Variants in ZNF514 observed in about 807,000 individuals in gnomAD.
ZNF514 encodes zinc finger protein 514.
In ZNF514, 12 loss-of-function variants were observed where a neutral mutation model predicts 9.7. The observed-to-expected ratio is 1.24, with a 90% CI of 0.79 to 2.01. The LOEUF is 2.01. Among genes scored for constraint, ZNF514 ranks in the 30% most tolerant of loss-of-function variants. ZNF514 has a pLI of 0.00. For missense variants in ZNF514, 467 were observed against 465.5 expected (o/e 1.00, Z -0.03); for synonymous variants, 158 against 163.7 (o/e 0.97, Z 0.27).
the ZNF514 span, among the ~76,000 whole-genome samples, chr2:95,127,589 G>T: frequency 6.6e-6 from 1 of 151,498 alleles, no homozygotes; most frequent in East Asian, 1.9e-4. Context: ...TTGTTTTTTT[G>T]TTTTTGTTTT....
the ZNF514 span, among the ~76,000 whole-genome samples, chr2:95,125,397 T>C: frequency 0.011 from 1,715 of 152,088 alleles, 13 homozygotes; most frequent in Non-Finnish European, 0.017. Flanking sequence ...CCCACCACCA[T>C]GCCCAGCTAA....
At chr2:95,126,392 A>AAAAAAAAAAAAAAAAAAG in the ZNF514 span, among the ~76,000 whole-genome samples, 2 of 84,446 alleles carry the variant, frequency 2.4e-5, no homozygotes, top group African/African-American at 5.6e-5. Flanking sequence ...AAAAAAAAAA[A>AAAAAAAAAAAAAAAAAAG]AAAGAAAGAA....
In ZNF514 at chr2:95,147,670, ACT is replaced by A. The variant is rs1176238570; in HGVS notation, c.*1610_*1611del. The A allele has an allele frequency of 7.1e-6, 1 of 141,582 alleles. No homozygotes were observed. The highest frequency in any genetic ancestry group is 1.5e-5 in the Non-Finnish European group (1 of 66,274). The allele number at this position is 141,582 out of a possible 1,614,324, so 8.8% of individuals were successfully genotyped here. ...TTTTTTTTTTCTGAGACGGAGTCTC[ACT>A]CTGTCTCCCAGGCTGGAGTGCAGTG... is the stretch of plus-strand genomic sequence containing the variant. On this transcript the variant is annotated 3_prime_UTR_variant, in exon 5 of 5. Transcript: ENST00000295208.
rs1048899336 is a variant in ZNF514 at position 95,148,162 on chromosome 2, A to C, written c.*1120T>G. 1 of 152,226 alleles carries C rather than the reference A, an allele frequency of 6.6e-6. No homozygotes were observed. Among genetic ancestry groups the C allele is most frequent in the Non-Finnish European group, 1.5e-5 (1 of 68,056 alleles). The allele number at this position is 152,226 out of a possible 1,614,324, so 9.4% of individuals were successfully genotyped here. The stretch of plus-strand genomic sequence containing the variant: ...CATACTACAGCTGTGAACCACAGGA[A>C]AGAGGCCCAGCCCAGTTAGGACTAT... On this transcript the variant is annotated 3_prime_UTR_variant, in exon 5 of 5. Coordinates refer to ENST00000295208, the MANE Select transcript of ZNF514 (RefSeq NM_032788.3).
At chr2:95,152,364 T>A (rs1206335777) in intron 4 of ZNF514, among the ~76,000 whole-genome samples, 1 of 152,064 alleles carries the variant, frequency 6.6e-6, no homozygotes, top group Non-Finnish European at 1.5e-5. Flanking sequence ...TGATCTAGGA[T>A]TGCCTGGCCC....
At chr2:95,141,037 A>G (rs1676821025), downstream of ZNF514, among the ~76,000 whole-genome samples, 1 of 151,986 alleles carries the variant, frequency 6.6e-6, no homozygotes, top group Admixed American at 6.6e-5. Context: ...TCAGGGACTC[A>G]GGGGAAACGG....
At position 95,150,207 on chromosome 2, in the gene ZNF514, T is replaced by A. The variant is rs1343788909; in HGVS notation, c.278A>T (p.Glu93Val). ...TTCCACTGATACTACCTGGAATAAT[T>A]CTTCTTTGGAAATTCCCCAACTTGG... ...SMPSWGISKE[E>V]LFQVVSVEKH... Residue 93 changes from glutamate to valine, a missense_variant, in exon 5 of 5, where the codon GAA becomes GTA. Glu to Val is a moderately radical substitution (Grantham distance 121). Coordinates refer to ENST00000295208, the MANE Select transcript of ZNF514 (RefSeq NM_032788.3). 3 of 1,605,346 alleles carry A rather than the reference T, an allele frequency of 1.9e-6. No homozygotes were observed. In the South Asian group the frequency reaches 3.3e-5, roughly 18 times the overall value.
In ZNF514 at chr2:95,155,568, G is replaced by A. The variant is rs142497622; in HGVS notation, c.-7+1783C>T. 5 of 152,316 alleles carry A rather than the reference G, an allele frequency of 3.3e-5. No homozygotes were observed. The East Asian group carries it at 9.6e-4, about 29-fold the overall frequency. 9.4% of individuals were successfully genotyped at this position (152,316 alleles called of 1,614,324 possible). A position where few individuals can be genotyped will look rare whatever the true frequency, so the allele number is the denominator to read the frequency against. Reference sequence around the variant, plus strand: ...CCATCCAGACTATCGCGCCATCCAGGACTTTGATCATGATGCTCTGACTGG... The same window carrying A: ...CCATCCAGACTATCGCGCCATCCAGAACTTTGATCATGATGCTCTGACTGG... On this transcript the variant is annotated intron_variant, in intron 2 of 4. Transcript: ENST00000295208.
chr2:95,127,061 T>G, the ZNF514 span, among the ~76,000 whole-genome samples: 13 of 152,202 alleles, frequency 8.5e-5, no homozygotes, highest in Non-Finnish European at 1.5e-4. Context: ...TCAGAGGCAG[T>G]GTTGAGTAAT....
chr2:95,142,002 C>G (rs1673247778), downstream of ZNF514, among the ~76,000 whole-genome samples: 1 of 152,188 alleles, frequency 6.6e-6, no homozygotes. Context: ...TGTTTTTCAT[C>G]TGCTTGCTTA....
chr2:95,152,186 G>A (rs1358779612), intron 4 of ZNF514, among the ~76,000 whole-genome samples: 2 of 152,204 alleles, frequency 1.3e-5, no homozygotes, highest in African/African-American at 2.4e-5. Flanking sequence ...CTGTCAAGGA[G>A]TAGTCTTTGT....
chr2:95,137,076 A>G, the ZNF514 span, among the ~76,000 whole-genome samples: 1 of 152,246 alleles, frequency 6.6e-6, no homozygotes, highest in Non-Finnish European at 1.5e-5. Context: ...TACTTCTTAG[A>G]TTGTAGCTGT....
intron 3 of ZNF514, 72 bp from the exon 4 acceptor site, chr2:95,152,841 G>C: frequency 1.5e-6 from 2 of 1,378,318 alleles, no homozygotes; most frequent in Non-Finnish European, 2.1e-6. Context: ...TCATCTTCAA[G>C]GTGGAGAAAT....
At chr2:95,131,043 G>A in the ZNF514 span, among the ~76,000 whole-genome samples, 8 of 152,324 alleles carry the variant, frequency 5.3e-5, no homozygotes, top group East Asian at 1.2e-3. Flanking sequence ...ACGTTCTTCT[G>A]CCGTGGTTTC....
intron 2 of ZNF514, among the ~76,000 whole-genome samples, chr2:95,155,941 G>A (rs1673676159): frequency 6.6e-6 from 1 of 152,180 alleles, no homozygotes; most frequent in Admixed American, 6.5e-5. Flanking sequence ...GAAGCTCAGA[G>A]AGAAGAGGGT....
the ZNF514 span, among the ~76,000 whole-genome samples, chr2:95,137,901 G>C: frequency 6.6e-6 from 1 of 152,116 alleles, no homozygotes; most frequent in Non-Finnish European, 1.5e-5. Context: ...CTGGATCATG[G>C]GTGTGGAGTT....
At chr2:95,138,319 G>A in the ZNF514 span, among the ~76,000 whole-genome samples, 1 of 152,202 alleles carries the variant, frequency 6.6e-6, no homozygotes, top group Non-Finnish European at 1.5e-5. Flanking sequence ...GATGATGAGG[G>A]AAAGTTTGGA....
chr2:95,134,823 C>T, the ZNF514 span, among the ~76,000 whole-genome samples: 2 of 152,150 alleles, frequency 1.3e-5, no homozygotes, highest in African/African-American at 2.4e-5. Flanking sequence ...GTACAGGTGT[C>T]CCAGCACCAT....
downstream of ZNF514, among the ~76,000 whole-genome samples, chr2:95,140,834 G>C (rs1158765127): frequency 6.6e-6 from 1 of 151,864 alleles, no homozygotes; most frequent in African/African-American, 2.4e-5. Flanking sequence ...AATTAGCCGG[G>C]CATGGTGTTG....
Sources: gnomAD v4.1 joint callset for allele counts (sites outside exome capture counted in the v4.1 genomes callset) on GRCh38, gnomAD v4.1.1 for gene constraint, MANE v1.5 for transcripts, NCBI Gene and HGNC (gene_info 2026-07-23, HGNC 2026-07-21) for gene names.